Variants in CASK observed in about 807,000 individuals in gnomAD.
CASK encodes the protein calcium/calmodulin dependent serine protein kinase.
Under a neutral mutation model 82.9 loss-of-function variants are expected in CASK, and 4 were observed. That is an observed-to-expected ratio of 0.05 (90% CI 0.02 to 0.11). The LOEUF (loss-of-function observed/expected upper bound fraction) is 0.11, where lower values mean the gene tolerates loss of function less well. CASK is among the 10% of genes least tolerant of loss of function. CASK has a pLI of 1.00. For missense variants in CASK, 358 were observed against 720.9 expected, an observed-to-expected ratio of 0.50 and a Z score of 5.76; for synonymous variants, 259 against 253.5, an observed-to-expected ratio of 1.02 and a Z score of -0.20.
chrX:41,922,073 A>T (rs2072792553), intron 1 of CASK, among the ~76,000 whole-genome samples: 1 of 111,584 alleles, frequency 9.0e-6, no homozygotes, highest in South Asian at 3.8e-4. Context: ...GTACTGTTTG[A>T]CAAGAATGAA....
intron 1 of CASK, among the ~76,000 whole-genome samples, chrX:41,917,673 T>TAAA (rs1313455482): frequency 1.8e-5 from 2 of 111,749 alleles, no homozygotes; most frequent in African/African-American, 6.5e-5. Flanking sequence ...GTTACGGACA[T>TAAA]AAAAATTAAG....
chrX:41,822,333 G>A (rs986044600), intron 2 of CASK, among the ~76,000 whole-genome samples: 4 of 109,932 alleles, frequency 3.6e-5, no homozygotes, highest in African/African-American at 6.6e-5. Flanking sequence ...CGAGGCGGGC[G>A]GACTGCCTGA....
At chrX:41,583,979 T>C (rs2065619508) in intron 14 of CASK, 1 of 111,567 alleles carries the variant, frequency 9.0e-6, no homozygotes, top group Admixed American at 9.5e-5. Flanking sequence ...GTTCAAGCAA[T>C]CCTCCTGCCT....
chrX:41,610,301 A>T (rs749172586), intron 11 of CASK, among the ~76,000 whole-genome samples: 1 of 112,288 alleles, frequency 8.9e-6, no homozygotes, highest in East Asian at 2.8e-4. Flanking sequence ...TATCAAGTAT[A>T]ACCTAAGCAC....
At chrX:41,885,661 C>G (rs1426317802) in intron 1 of CASK, among the ~76,000 whole-genome samples, 1 of 111,837 alleles carries the variant, frequency 8.9e-6, no homozygotes, top group Non-Finnish European at 1.9e-5. Context: ...CACTCAACAT[C>G]TAAAATTAAA....
intron 2 of CASK, among the ~76,000 whole-genome samples, chrX:41,793,115 T>A (rs2069770099): frequency 8.9e-6 from 1 of 112,515 alleles, no homozygotes; most frequent in African/African-American, 3.2e-5. Flanking sequence ...TAACTAAATC[T>A]GGAATTTCTT....
intron 3 of CASK, among the ~76,000 whole-genome samples, chrX:41,781,364 G>T (rs1420176282): frequency 8.9e-6 from 1 of 112,613 alleles, no homozygotes; most frequent in Non-Finnish European, 1.9e-5. Flanking sequence ...GACAGATATG[G>T]ACACCATATT....
chrX:41,889,639 G>A, intron 1 of CASK, among the ~76,000 whole-genome samples: 1 of 111,915 alleles, frequency 8.9e-6, no homozygotes, highest in East Asian at 2.8e-4. Context: ...AAGATAAAAT[G>A]TTTTAAAACT....
intron 2 of CASK, among the ~76,000 whole-genome samples, chrX:41,817,590 T>C (rs760233594): frequency 8.9e-6 from 1 of 111,733 alleles, no homozygotes; most frequent in African/African-American, 3.2e-5. Flanking sequence ...CTATGGAATA[T>C]TCCAGTTGTG....
chrX:41,648,947 A>C (rs1190724684), intron 8 of CASK, among the ~76,000 whole-genome samples: 1 of 111,481 alleles, frequency 9.0e-6, no homozygotes, highest in East Asian at 2.8e-4. Context: ...TTATTGGTCT[A>C]TTCAGGGATT....
At chrX:41,551,957 C>T (rs922109297) in intron 21 of CASK, among the ~76,000 whole-genome samples, 2 of 106,409 alleles carry the variant, frequency 1.9e-5, no homozygotes, top group South Asian at 8.7e-4. Flanking sequence ...CACAGAGTCT[C>T]ACTCTGTCGT....
chrX:41,879,065 G>A (rs1338756723), intron 1 of CASK, among the ~76,000 whole-genome samples: 2 of 111,291 alleles, frequency 1.8e-5, no homozygotes, highest in African/African-American at 3.3e-5. Flanking sequence ...GATCTTAAGG[G>A]GATCTAATAA....
chrX:41,649,812 C>G (rs1394706502), intron 8 of CASK, among the ~76,000 whole-genome samples: 1 of 110,988 alleles, frequency 9.0e-6, no homozygotes, highest in East Asian at 2.8e-4. Flanking sequence ...TCCTTGTTAA[C>G]TTTTTCTCTC....
At chrX:41,922,637 T>C in intron 1 of CASK, among the ~76,000 whole-genome samples, 1 of 111,757 alleles carries the variant, frequency 8.9e-6, no homozygotes, top group Non-Finnish European at 1.9e-5. Context: ...AACTATAAAA[T>C]CGGCTGTGCC....
At chrX:41,911,560 C>T (rs1348263972) in intron 1 of CASK, among the ~76,000 whole-genome samples, 1 of 112,299 alleles carries the variant, frequency 8.9e-6, no homozygotes, top group Non-Finnish European at 1.9e-5. Flanking sequence ...GTAGAAATTG[C>T]TGTTGTAATA....
chrX:41,665,221 C>A, intron 7 of CASK, 56 bp downstream of exon 7: 2 of 1,053,451 alleles, frequency 1.9e-6, no homozygotes, highest in East Asian at 6.3e-5. Flanking sequence ...TTCAAAAAAA[C>A]ATTTTTCAGG....
chrX:41,530,387 CTCTTT>C (rs755403657), intron 25 of CASK, among the ~76,000 whole-genome samples: 18 of 112,252 alleles, frequency 1.6e-4, no homozygotes, highest in Non-Finnish European at 3.4e-4. Context: ...GTGTCTGGCT[CTCTTT>C]TGAGTCCTCT....
chrX:41,854,409 A>C (rs1428516862), intron 1 of CASK, among the ~76,000 whole-genome samples: 3 of 112,426 alleles, frequency 2.7e-5, no homozygotes, highest in African/African-American at 9.7e-5. Flanking sequence ...TTGAAGGTTA[A>C]TATGGTGGTC....
At chrX:41,873,148 T>G (rs1222577239) in intron 1 of CASK, among the ~76,000 whole-genome samples, 1 of 110,175 alleles carries the variant, frequency 9.1e-6, no homozygotes, top group Non-Finnish European at 1.9e-5. Flanking sequence ...ACTACAATAT[T>G]TTAGCTAAAG....
Sources: gnomAD v4.1 joint callset for allele counts (sites outside exome capture counted in the v4.1 genomes callset) on GRCh38, gnomAD v4.1.1 for gene constraint, MANE v1.5 for transcripts, NCBI Gene and HGNC (gene_info 2026-07-23, HGNC 2026-07-21) for gene names.